NAV3: variants seen among roughly 807,000 people sequenced by gnomAD.
NAV3 encodes pore membrane and/or filament interacting like protein 1.
In NAV3, 87 loss-of-function variants were observed where a neutral mutation model predicts 244.7. The ratio of observed to expected loss-of-function variants is 0.36; its 90% CI spans 0.30 to 0.42. NAV3 has a LOEUF of 0.42. Among genes scored for constraint, NAV3 ranks in the 20% least tolerant of loss-of-function variants. The pLI, the probability that NAV3 is intolerant of heterozygous loss-of-function variation, is 1.00. For synonymous variants in NAV3, 1,126 were observed against 1,042.2 expected (o/e 1.08, Z -1.55); for missense variants, 2,663 against 2,893.3 (o/e 0.92, Z 1.83).
chr12:78,162,871 T>TATATATATAATATATATA (rs1957606461), intron 23 of NAV3, among the ~76,000 whole-genome samples: 1 of 128,698 alleles, frequency 7.8e-6, no homozygotes, highest in African/African-American at 2.8e-5. Context: ...CAAAAAAAAA[T>TATATATATAATATATATA]ATATATATAT....
Position 78,095,696 on chromosome 12 carries a change from A to G in NAV3, c.2637-21076A>G, listed in dbSNP as rs1954214176. On this transcript the variant is annotated intron_variant, in intron 12 of 39. Coordinates refer to ENST00000397909, the MANE Select transcript of NAV3 (RefSeq NM_001024383.2). Reference sequence around the variant, plus strand: ...AGATGAAGACATGCAGATGGAGGAAATAAAGATCCAGTTGAGCTTGTTGGC... The same window carrying G: ...AGATGAAGACATGCAGATGGAGGAAGTAAAGATCCAGTTGAGCTTGTTGGC... Among the ~76,000 whole-genome samples, 4 of 152,218 alleles carry G rather than the reference A, an allele frequency of 2.6e-5. No individual in the cohort carries two copies. In the South Asian group the frequency reaches 8.3e-4, roughly 31 times the overall value.
At chr12:77,968,175 C>T (rs926195711) in intron 4 of NAV3, among the ~76,000 whole-genome samples, 3 of 152,162 alleles carry the variant, frequency 2.0e-5, no homozygotes, top group African/African-American at 7.2e-5. Context: ...GTGAGGGAAT[C>T]AACATGCTAA....
chr12:77,634,126 A>ATTT (rs5799341), intron 2 of NAV3, among the ~76,000 whole-genome samples: 3,918 of 149,496 alleles, frequency 0.026, 175 homozygotes, highest in African/African-American at 0.088. Context: ...CAAATCTCCC[A>ATTT]TTTTTTTTTT....
chr12:78,052,019 T>C (rs1354720582), intron 11 of NAV3, among the ~76,000 whole-genome samples: 1 of 152,182 alleles, frequency 6.6e-6, no homozygotes, highest in Non-Finnish European at 1.5e-5. Context: ...AACTCAGCTA[T>C]GTCTGACTTC....
intron 2 of NAV3, among the ~76,000 whole-genome samples, chr12:77,587,100 A>G (rs1869651111): frequency 6.6e-6 from 1 of 152,198 alleles, no homozygotes; most frequent in Admixed American, 6.5e-5. Context: ...CAAGCAATGA[A>G]TGAGATAATC....
At chr12:77,776,190 G>A (rs764254297) in intron 2 of NAV3, among the ~76,000 whole-genome samples, 2 of 152,054 alleles carry the variant, frequency 1.3e-5, no homozygotes, top group African/African-American at 2.4e-5. Context: ...TAAATTCTAG[G>A]TGTTTATTTA....
At chr12:77,718,433 T>C (rs1009297551) in intron 2 of NAV3, among the ~76,000 whole-genome samples, 1 of 152,194 alleles carries the variant, frequency 6.6e-6, no homozygotes, top group Admixed American at 6.5e-5. Flanking sequence ...CATTGGTTTA[T>C]ATACTGGTCC....
intron 22 of NAV3, among the ~76,000 whole-genome samples, chr12:78,154,301 A>T (rs1957204775): frequency 1.1e-5 from 1 of 87,766 alleles, no homozygotes; most frequent in African/African-American, 4.0e-5. Context: ...ATATATTACT[A>T]TATAATATAT....
intron 23 of NAV3, among the ~76,000 whole-genome samples, chr12:78,162,891 AAT>A (rs1187448947): frequency 1.8e-4 from 23 of 127,758 alleles, no homozygotes; most frequent in African/African-American, 6.1e-4. Context: ...TAATATATAT[AAT>A]ATATATATAA....
At chr12:77,837,369 A>T (rs1424473761) in intron 1 of NAV3, among the ~76,000 whole-genome samples, 1 of 152,098 alleles carries the variant, frequency 6.6e-6, no homozygotes, top group Non-Finnish European at 1.5e-5. Context: ...AGACCAAATG[A>T]CACTGGTAAT....
chr12:77,635,465 T>C (rs1872116312), intron 2 of NAV3, among the ~76,000 whole-genome samples: 1 of 152,192 alleles, frequency 6.6e-6, no homozygotes. Flanking sequence ...AGATAAACTT[T>C]TCTCCTGAAA....
chr12:77,720,894 C>A (rs916929565), intron 2 of NAV3, among the ~76,000 whole-genome samples: 3 of 152,158 alleles, frequency 2.0e-5, no homozygotes, highest in African/African-American at 7.2e-5. Flanking sequence ...GATAATATCA[C>A]TTCTGCCTAT....
Position 78,197,355 on chromosome 12 carries a change from C to G in NAV3, c.6400C>G (p.Leu2134Val), listed in dbSNP as rs1959191597. The G allele has an allele frequency of 6.2e-7, 1 of 1,607,498 alleles. No homozygotes were observed. The highest frequency in any genetic ancestry group is 1.1e-5 in the South Asian group (1 of 90,206). ...TGATAATCTTCATCATGTGGGCTCTCTGAGTGATATCTTCAATGGTTTTCT... is the reference window on the plus strand; with the variant it reads ...TGATAATCTTCATCATGTGGGCTCTGTGAGTGATATCTTCAATGGTTTTCT... ...ILDNLHHVGS[L>V]SDIFNGFLNC... Residue 2134 changes from leucine (L) to valine (V), a missense_variant, in exon 35 of 40, where the codon CTG (leucine) becomes GTG (valine). Around this residue, in one of 6 missense-constraint regions of NAV3, gnomAD observed 543 missense variants for 672.4 expected, o/e 0.81. Coordinates refer to ENST00000397909, the MANE Select transcript of NAV3 (RefSeq NM_001024383.2).
intron 12 of NAV3, among the ~76,000 whole-genome samples, chr12:78,115,063 T>C (rs1955305120): frequency 6.6e-6 from 1 of 152,200 alleles, no homozygotes; most frequent in South Asian, 2.1e-4. Context: ...ATGTAGCTCT[T>C]GAAGTACATA....
chr12:78,058,505 C>A (rs879886001), intron 11 of NAV3, among the ~76,000 whole-genome samples: 12 of 151,764 alleles, frequency 7.9e-5, no homozygotes, highest in Non-Finnish European at 1.6e-4. Context: ...GGGGACACAG[C>A]TAGTTGTGAC....
intron 2 of NAV3, among the ~76,000 whole-genome samples, chr12:77,590,512 A>T (rs1869856252): frequency 6.6e-6 from 1 of 152,100 alleles, no homozygotes; most frequent in Admixed American, 6.6e-5. Context: ...GGGTTATCAG[A>T]GGGTGGAGGG....
chr12:77,999,062 A>C (rs958530630), intron 7 of NAV3, among the ~76,000 whole-genome samples: 1 of 152,234 alleles, frequency 6.6e-6, no homozygotes, highest in African/African-American at 2.4e-5. Context: ...GTGTCTGTTA[A>C]AGGCATATTA....
chr12:77,597,521 G>C (rs1304209797), intron 2 of NAV3, among the ~76,000 whole-genome samples: 1 of 152,056 alleles, frequency 6.6e-6, no homozygotes, highest in Non-Finnish European at 1.5e-5. Flanking sequence ...AGCATATTAA[G>C]TATGTAGGTG....
intron 31 of NAV3, among the ~76,000 whole-genome samples, chr12:78,187,839 A>G (rs1958794936): frequency 1.3e-5 from 2 of 151,936 alleles, no homozygotes; most frequent in Non-Finnish European, 2.9e-5. Flanking sequence ...TAGAATTCAT[A>G]TAATATGGTT....
Sources: gnomAD v4.1 joint callset for allele counts (sites outside exome capture counted in the v4.1 genomes callset) on GRCh38, gnomAD v4.1.1 for gene constraint, gnomAD v4.1.1 regional missense constraint, MANE v1.5 for transcripts, NCBI Gene and HGNC (gene_info 2026-07-23, HGNC 2026-07-21) for gene names.